LARP4: variants seen among roughly 807,000 people sequenced by gnomAD.
LARP4 encodes the protein La ribonucleoprotein 4.
A neutral mutation model predicts 92.9 loss-of-function variants in LARP4; 29 were observed. That is an observed-to-expected ratio of 0.31 (90% confidence interval 0.23 to 0.43). The LOEUF is 0.43. Ranked by LOEUF, LARP4 falls within the 20% of genes least tolerant of loss-of-function variation. The probability of loss-of-function intolerance (pLI) is 1.00; values close to 1 mark genes in which losing one functional copy is unlikely to be tolerated. For synonymous variants in LARP4, 279 were observed against 284.1 expected (o/e 0.98, Z 0.18); for missense variants, 732 against 860.0 (o/e 0.85, Z 1.86).
Position 50,440,462 on chromosome 12 carries a change from T to A in LARP4, c.663T>A (p.Ser221Arg). ...PIEEVKGLFK[S>R]ENCPKVISCE... ...AGGAAGTGAAAGGTTTGTTCAAAAG[T>A]GAAAACTGCCCCAAAGTGATAAGCT... The change falls in exon 7 of 16, where the codon AGT becomes AGA. Residue 221 changes from serine to arginine, a missense_variant. This residue lies in a region of LARP4 where 236 missense variants were observed against 307.6 expected (regional missense o/e 0.77). Transcript: ENST00000398473. The A allele has an allele frequency of 1.2e-6, 2 of 1,613,732 alleles. No homozygotes were observed. Among genetic ancestry groups the A allele is most frequent in the African/African-American group, 1.3e-5 (1 of 75,050 alleles).
chr12:50,461,737 A>G (rs1051444569), intron 11 of LARP4, among the ~76,000 whole-genome samples: 1 of 152,122 alleles, frequency 6.6e-6, no homozygotes, highest in African/African-American at 2.4e-5. Context: ...TGGGAGGATC[A>G]TCTCAGGTCA....
chr12:50,404,989 G>C (rs1445807717), intron 1 of LARP4, among the ~76,000 whole-genome samples: 1 of 150,684 alleles, frequency 6.6e-6, no homozygotes, highest in Non-Finnish European at 1.5e-5. Context: ...CACCTGGCGG[G>C]TTCAAGCAGT....
At position 50,415,548 on chromosome 12, in the gene LARP4, C is replaced by T. The variant is rs538868912; in HGVS notation, c.19-12214C>T. On this transcript the variant is annotated intron_variant, in intron 1 of 15. Coordinates refer to ENST00000398473, the MANE Select transcript of LARP4 (RefSeq NM_052879.5). ...ACATACTTTGTATGTTAAATATTAG[C>T]CTTAGTCTCATATGGTGAATATTTG... 2.6e-5 allele frequency among the ~76,000 whole-genome samples: 4 copies of T among 152,080 alleles called. No homozygotes were observed. In the East Asian group the frequency reaches 7.7e-4, roughly 29 times the overall value.
rs868580746 is a variant in LARP4, at chr12:50,419,665, C to T, written c.19-8097C>T. Among the ~76,000 whole-genome samples, 5 of 152,162 alleles carry T rather than the reference C, an allele frequency of 3.3e-5. No individual in the cohort carries two copies. The South Asian group carries it at 6.2e-4, about 19-fold the overall frequency. ...GTCATGCCTATAATCCCAGCACTTT[C>T]GGAGACCAAGGTGAGATGATCGTTT... On this transcript the variant is annotated intron_variant, in intron 1 of 15. Transcript: ENST00000398473.
intron 12 of LARP4, 109 bp from the exon 13 acceptor site, chr12:50,466,850 T>C (rs1956215436): frequency 1.0e-6 from 1 of 983,820 alleles, no homozygotes; most frequent in African/African-American, 1.6e-5. Context: ...CTGTGCATTA[T>C]AGAGGTTTTG....
intron 1 of LARP4, among the ~76,000 whole-genome samples, chr12:50,426,426 C>G (rs901247117): frequency 6.6e-5 from 10 of 152,282 alleles, no homozygotes; most frequent in African/African-American, 2.2e-4. Context: ...ATCAATTCAG[C>G]TTCAAATCAG....
At chr12:50,430,166 T>A (rs1194184532) in intron 3 of LARP4, among the ~76,000 whole-genome samples, 1 of 152,066 alleles carries the variant, frequency 6.6e-6, no homozygotes, top group African/African-American at 2.4e-5. Context: ...GAGAACAGTC[T>A]GGGCAACATA....
Position 50,476,553 on chromosome 12 carries a change from T to A in LARP4, c.*689T>A, listed in dbSNP as rs1957545703. 2 of 152,728 alleles carry A rather than the reference T, an allele frequency of 1.3e-5. No homozygotes were observed. The highest frequency in any genetic ancestry group is 4.1e-4 in the South Asian group (2 of 4,828). The allele number at this position is 152,728 out of a possible 1,614,324, so 9.5% of individuals were successfully genotyped here. On this transcript the variant is annotated 3_prime_UTR_variant, in exon 16 of 16. Transcript: ENST00000398473. Reference sequence around the variant, plus strand: ...CATTTAACAAGTTGTAAAACTCTGATTGTACTTAGAGATGTGACTACCAAT... The same window carrying A: ...CATTTAACAAGTTGTAAAACTCTGAATGTACTTAGAGATGTGACTACCAAT...
intron 4 of LARP4, among the ~76,000 whole-genome samples, chr12:50,434,449 G>A (rs1198437792): frequency 1.5e-5 from 2 of 137,870 alleles, no homozygotes; most frequent in Admixed American, 7.5e-5. Flanking sequence ...ATGGAGTTTC[G>A]CCCTTGTTGC....
In LARP4 at chr12:50,453,239, C is replaced by T. The variant is rs145998097; in HGVS notation, c.805-221C>T. ...TATTTTGACGTGTGTTTGTGTGTGG[C>T]GGGGGGGGTTTTACCTTGTTTACTA... On this transcript the variant is annotated intron_variant, in intron 8 of 15. Transcript: ENST00000398473. 1.6e-4 allele frequency among the ~76,000 whole-genome samples: 24 copies of T among 150,598 alleles called. No individual in the cohort carries two copies. In the East Asian group the frequency reaches 3.9e-3, roughly 24 times the overall value.
chr12:50,471,217 C>T (rs1046123208), intron 13 of LARP4, among the ~76,000 whole-genome samples: 1 of 152,258 alleles, frequency 6.6e-6, no homozygotes, highest in Middle Eastern at 3.4e-3. Context: ...TGGATTTGGC[C>T]TTGCGGGTCT....
At chr12:50,453,286 G>A (rs1157861946) in intron 8 of LARP4, among the ~76,000 whole-genome samples, 174 bp from the exon 9 acceptor site, 7 of 151,638 alleles carry the variant, frequency 4.6e-5, no homozygotes, top group Non-Finnish European at 5.9e-5. Context: ...CCATGAAAAC[G>A]TTTTTATTAT....
chr12:50,454,449 T>A (rs766654459), intron 10 of LARP4, 32 bp downstream of exon 10: 2 of 1,485,400 alleles, frequency 1.3e-6, no homozygotes, highest in East Asian at 2.3e-5. Flanking sequence ...TAATGTATTT[T>A]AAACAATTCC....
chr12:50,401,543 G>T (rs553439351), intron 1 of LARP4, among the ~76,000 whole-genome samples: 2 of 152,316 alleles, frequency 1.3e-5, no homozygotes, highest in South Asian at 2.1e-4. Context: ...TTCTGCCCGG[G>T]CCCCGTCCCT....
intron 1 of LARP4, among the ~76,000 whole-genome samples, chr12:50,409,981 G>A (rs1204040151): frequency 3.3e-5 from 5 of 151,306 alleles, no homozygotes; most frequent in East Asian, 1.9e-4. Context: ...TAGTAGAGAC[G>A]GGGTTTCTCC....
At chr12:50,434,904 C>T (rs1056979682) in intron 4 of LARP4, among the ~76,000 whole-genome samples, 10 of 151,882 alleles carry the variant, frequency 6.6e-5, no homozygotes, top group African/African-American at 2.2e-4. Context: ...AAAAATTAGC[C>T]GAGCGTGATG....
chr12:50,462,595 A>G lies in LARP4; in HGVS notation c.1348A>G (p.Arg450Gly). The change falls in exon 12 of 16, where the codon AGA (arginine) becomes GGA (glycine). Residue 450 changes from arginine (R) to glycine (G), a missense_variant. By Grantham distance (125) the Arg-to-Gly change is moderately radical. Coordinates refer to ENST00000398473, the MANE Select transcript of LARP4 (RefSeq NM_052879.5). The stretch of plus-strand genomic sequence containing the variant: ...TCTTATTAAAAGGAGAACTCTCTTC[A>G]GAGGTCGAAGACGACGAGAAGATGA... ...DYGRGRRTLF[R>G]GRRRREDDRI... 6.5e-7 allele frequency: 1 copy of G among 1,543,710 alleles called. No individual in the cohort carries two copies. The highest frequency in any genetic ancestry group is 8.7e-7 in the Non-Finnish European group (1 of 1,149,886).
Position 50,429,077 on chromosome 12 carries a change from A to G in LARP4, c.309A>G (p.Ile103Met). ...ILGPEDLSYQ[I>M]YDVSGESNSA... ...GACCAGAAGATCTGAGTTACCAAATATATGATGTTTCCGGTAAACTTTATG... is the reference window on the plus strand; with the variant it reads ...GACCAGAAGATCTGAGTTACCAAATGTATGATGTTTCCGGTAAACTTTATG... Residue 103 changes from isoleucine to methionine, a missense_variant, in exon 3 of 16, where the codon ATA becomes ATG. Ile to Met is a conservative substitution (Grantham distance 10). Around this residue, in one of 7 missense-constraint regions of LARP4, gnomAD observed 236 missense variants for 307.6 expected, o/e 0.77. Coordinates refer to ENST00000398473, the MANE Select transcript of LARP4 (RefSeq NM_052879.5). 6.2e-7 allele frequency: 1 copy of G among 1,611,966 alleles called. No homozygotes were observed. Among genetic ancestry groups the G allele is most frequent in the Non-Finnish European group, 8.5e-7 (1 of 1,179,158 alleles).
At chr12:50,430,467 T>A (rs769361254) in intron 3 of LARP4, 28 bp from the exon 4 acceptor site, 1 of 1,405,758 alleles carries the variant, frequency 7.1e-7, no homozygotes, top group South Asian at 1.2e-5. Context: ...GCTATTAACT[T>A]TTTTTCCCTC....
Sources: allele counts gnomAD v4.1 joint callset (sites outside exome capture counted in the v4.1 genomes callset), GRCh38; gene constraint gnomAD v4.1.1; regional missense constraint gnomAD v4.1.1; transcripts MANE v1.5; gene names NCBI Gene and HGNC (gene_info 2026-07-23, HGNC 2026-07-21).